PCDH15: variants seen among roughly 807,000 people sequenced by gnomAD.
The protein encoded by PCDH15 is protocadherin related 15.
A neutral mutation model predicts 178.5 loss-of-function variants in PCDH15; 129 were observed. That is an observed-to-expected ratio of 0.72 (90% CI 0.63 to 0.84). PCDH15 has a LOEUF of 0.84. Ranked by LOEUF, PCDH15 falls within the 40% of genes least tolerant of loss-of-function variation. The pLI is 0.00. For missense variants in PCDH15, 2,230 were observed against 2,099.9 expected, an observed-to-expected ratio of 1.06 and a Z score of -1.21; for synonymous variants, 800 against 732.0, an observed-to-expected ratio of 1.09 and a Z score of -1.50.
chr10:53,999,328 A>G (rs531203293), intron 20 of PCDH15, among the ~76,000 whole-genome samples: 1 of 152,150 alleles, frequency 6.6e-6, no homozygotes, highest in East Asian at 1.9e-4. Flanking sequence ...ACTACTAGAC[A>G]CTTTCTATTT....
At chr10:54,225,656 G>T (rs1320829172) in intron 9 of PCDH15, among the ~76,000 whole-genome samples, 1 of 152,070 alleles carries the variant, frequency 6.6e-6, no homozygotes. Flanking sequence ...GTGTACTGGG[G>T]TAACCCCTAA....
chr10:54,235,535 C>A (rs2054543482), intron 9 of PCDH15, among the ~76,000 whole-genome samples: 1 of 152,148 alleles, frequency 6.6e-6, no homozygotes, highest in Non-Finnish European at 1.5e-5. Context: ...CCTGGAAACT[C>A]CTGTCTTTCT....
chr10:54,270,882 T>A (rs761261146), intron 8 of PCDH15, among the ~76,000 whole-genome samples: 1 of 152,042 alleles, frequency 6.6e-6, no homozygotes, highest in Non-Finnish European at 1.5e-5. Context: ...TATGGCAAAA[T>A]AGGAAACTAA....
chr10:55,269,174 C>A (rs563926827), intron 1 of PCDH15, among the ~76,000 whole-genome samples: 16 of 152,130 alleles, frequency 1.1e-4, no homozygotes, highest in South Asian at 8.3e-4. Context: ...CAGCCAACAC[C>A]ATATGGAATG....
intron 2 of PCDH15, among the ~76,000 whole-genome samples, chr10:55,359,188 CTG>C (rs1378958818): frequency 1.3e-5 from 2 of 150,704 alleles, no homozygotes; most frequent in African/African-American, 2.4e-5. Flanking sequence ...CAGAGTGAGA[CTG>C]TGTTTCAAAA....
intron 2 of PCDH15, among the ~76,000 whole-genome samples, chr10:54,631,515 C>T (rs1357314862): frequency 6.6e-6 from 1 of 152,050 alleles, no homozygotes; most frequent in Non-Finnish European, 1.5e-5. Flanking sequence ...CCAAAGAACT[C>T]AGAACTACCG....
chr10:53,971,161 A>C (rs967966564), intron 21 of PCDH15, among the ~76,000 whole-genome samples: 2 of 152,362 alleles, frequency 1.3e-5, no homozygotes, highest in Admixed American at 6.5e-5. Context: ...GTAATGCAGC[A>C]TATAAACAGA....
chr10:54,900,433 CTAAAGTTTAGGA>C (rs573199289), intron 2 of PCDH15, among the ~76,000 whole-genome samples: 28 of 152,180 alleles, frequency 1.8e-4, no homozygotes, highest in Middle Eastern at 3.4e-3. Context: ...TTGATTTTAT[CTAAAGTTTAGGA>C]TAAAGTTTGT....
chr10:54,199,871 C>T lies in PCDH15; in HGVS notation c.1099-3982G>A, dbSNP rs187540778. 1.6e-3 allele frequency among the ~76,000 whole-genome samples: 247 copies of T among 151,984 alleles called. 1 individual carries two copies. Among genetic ancestry groups the T allele is most frequent in the Admixed American group, 1.1e-3 (17 of 15,242 alleles). ...TAAGTGCTAGGTTTTGTTTGAAAAG[C>T]GTCTGGGCATGAGTCTCACTTTCAG... is the stretch of plus-strand genomic sequence containing the variant. On this transcript the variant is annotated intron_variant, in intron 10 of 37. Transcript: ENST00000644397.
chr10:54,083,559 T>C (rs2135985924), intron 16 of PCDH15, among the ~76,000 whole-genome samples: 1 of 152,274 alleles, frequency 6.6e-6, no homozygotes, highest in Non-Finnish European at 1.5e-5. Context: ...TCCATTTCTG[T>C]AGAATATTCA....
At chr10:55,600,682 T>A in intron 2 of PCDH15, among the ~76,000 whole-genome samples, 1 of 151,988 alleles carries the variant, frequency 6.6e-6, no homozygotes, top group East Asian at 1.9e-4. Context: ...CTATTTAGCA[T>A]TTTTCCCAGT....
intron 3 of PCDH15, among the ~76,000 whole-genome samples, chr10:54,505,262 A>G (rs2081070102): frequency 6.6e-6 from 1 of 152,110 alleles, no homozygotes; most frequent in Non-Finnish European, 1.5e-5. Context: ...AGTTATTTTC[A>G]GTTTTTCTCA....
Position 54,105,224 on chromosome 10 carries a change from A to G in PCDH15, c.1918-15161T>C, listed in dbSNP as rs181986279. Among the ~76,000 whole-genome samples, 1,437 of 149,120 alleles carry G rather than the reference A, an allele frequency of 9.6e-3. 29 individuals are homozygous for G. The highest frequency in any genetic ancestry group is 0.033 in the African/African-American group (1,361 of 40,846). On this transcript the variant is annotated intron_variant, in intron 15 of 37. Transcript: ENST00000644397. ...AAATCTGTATTAGTCAGAGTTCTCT[A>G]GAGGGACAGAACTAACAAGAGATAT... is the stretch of plus-strand genomic sequence containing the variant.
chr10:55,158,895 A>C (rs1427107422), intron 2 of PCDH15, among the ~76,000 whole-genome samples: 2 of 151,416 alleles, frequency 1.3e-5, no homozygotes, highest in African/African-American at 4.8e-5. Flanking sequence ...AGAGAGAGAG[A>C]GAGAAAAAAC....
intron 2 of PCDH15, among the ~76,000 whole-genome samples, chr10:55,142,039 TG>T (rs897569129): frequency 3.3e-5 from 5 of 152,116 alleles, no homozygotes; most frequent in Admixed American, 6.5e-5. Flanking sequence ...GCACAATATA[TG>T]GCAGAATGTA....
At chr10:55,024,004 A>G (rs982712086) in intron 2 of PCDH15, among the ~76,000 whole-genome samples, 31 of 148,642 alleles carry the variant, frequency 2.1e-4, no homozygotes, top group African/African-American at 7.4e-4. Context: ...TCTCATATAT[A>G]TAATCTTTTT....
At chr10:55,459,964 G>A (rs954360393) in intron 2 of PCDH15, among the ~76,000 whole-genome samples, 1 of 151,976 alleles carries the variant, frequency 6.6e-6, no homozygotes, top group African/African-American at 2.4e-5. Context: ...GCACTGAATG[G>A]TAACTGCAAT....
At chr10:54,290,802 C>G (rs771433052) in intron 8 of PCDH15, among the ~76,000 whole-genome samples, 7 of 152,038 alleles carry the variant, frequency 4.6e-5, no homozygotes, top group Non-Finnish European at 1.0e-4. Context: ...ACAAAGAAGG[C>G]CATTACATAA....
intron 1 of PCDH15, among the ~76,000 whole-genome samples, chr10:54,704,433 G>A (rs534761554): frequency 5.9e-5 from 9 of 151,860 alleles, no homozygotes; most frequent in East Asian, 3.9e-4. Context: ...TCTAATATCC[G>A]GAATTTCTAA....
Sources: gnomAD v4.1 joint callset for allele counts (sites outside exome capture counted in the v4.1 genomes callset) on GRCh38, gnomAD v4.1.1 for gene constraint, MANE v1.5 for transcripts, NCBI Gene and HGNC (gene_info 2026-07-23, HGNC 2026-07-21) for gene names.